BOD1L1: variants seen among roughly 807,000 people sequenced by gnomAD.
The protein encoded by BOD1L1 is biorientation of chromosomes in cell division 1 like 1, also known as biorientation of chromosomes in cell division protein 1-like 1.
BOD1L1 carries 86 observed loss-of-function variants against 240.7 expected under a neutral mutation model. That is an observed-to-expected ratio of 0.36 (90% CI 0.30 to 0.43). The LOEUF is 0.43. BOD1L1 is among the 20% of genes least tolerant of loss of function. BOD1L1 has a pLI of 1.00. For missense variants in BOD1L1, 3,554 were observed against 3,643.5 expected (o/e 0.98, Z 0.63); for synonymous variants, 1,268 against 1,272.3 (o/e 1.00, Z 0.07).
In BOD1L1 at chr4:13,627,697, A is replaced by G; in HGVS notation, c.-110T>C. On this transcript the variant is annotated 5_prime_UTR_variant, in exon 1 of 26. Transcript: ENST00000040738. ...GAAGCCAACGGGATGTTGTTACGGA[A>G]CCAGCGGATCCAGAGCAACCCCGGA... is the stretch of plus-strand genomic sequence containing the variant. The G allele has an allele frequency of 1.1e-6, 1 of 951,626 alleles. No homozygotes were observed. The highest frequency in any genetic ancestry group is 1.3e-6 in the Non-Finnish European group (1 of 794,280). 58.9% of individuals were successfully genotyped at this position (951,626 alleles called of 1,614,324 possible). A position where few individuals can be genotyped will look rare whatever the true frequency, so the allele number is the denominator to read the frequency against.
chr4:13,584,903 TTAAGA>T (rs1160106918), intron 17 of BOD1L1, among the ~76,000 whole-genome samples: 2 of 152,144 alleles, frequency 1.3e-5, no homozygotes, highest in South Asian at 4.1e-4. Flanking sequence ...ATTACTAATA[TTAAGA>T]TGATATTAAA....
At chr4:13,578,512 G>A (rs1014841556) in intron 22 of BOD1L1, among the ~76,000 whole-genome samples, 20 of 152,174 alleles carry the variant, frequency 1.3e-4, no homozygotes, top group Non-Finnish European at 2.6e-4. Context: ...CACTTCTGGT[G>A]TCCTAGGCAT....
In BOD1L1 at chr4:13,600,348, C is replaced by A. The variant is rs774031000; in HGVS notation, c.6552G>T (p.Leu2184Phe). The A allele has an allele frequency of 1.2e-6, 2 of 1,614,006 alleles. No homozygotes were observed. Among genetic ancestry groups the A allele is most frequent in the Non-Finnish European group, 1.7e-6 (2 of 1,179,896 alleles). The change falls in exon 10 of 26, where the codon TTG becomes TTT. Residue 2184 changes from leucine to phenylalanine, a missense_variant. Physicochemically the swap from Leu to Phe is conservative, Grantham distance 22. Coordinates refer to ENST00000040738, the MANE Select transcript of BOD1L1 (RefSeq NM_148894.3). ...AVEERATGPV[L>F]ISTADFEGPM... ...GCCCCTCAAAGTCGGCGGTGCTTAT[C>A]AAGACTGGACCTGTAGCCCTTTCTT...
At chr4:13,621,856 A>G (rs148387452) in intron 1 of BOD1L1, among the ~76,000 whole-genome samples, 1 of 139,364 alleles carries the variant, frequency 7.2e-6, no homozygotes, top group Admixed American at 8.2e-5. Flanking sequence ...GATATGAACT[A>G]AAATTAATTC....
At position 13,600,375 on chromosome 4, in the gene BOD1L1, C is replaced by T. The variant is rs754029236; in HGVS notation, c.6525G>A (p.Val2175=). ...AESLQPVAAA[V]EERATGPVLI... is the part of the protein sequence containing the mutation. Reference sequence around the variant, plus strand: ...AGACTGGACCTGTAGCCCTTTCTTCCACTGCTGCAGCAACCGGCTGAAGAC... The same window carrying T: ...AGACTGGACCTGTAGCCCTTTCTTCTACTGCTGCAGCAACCGGCTGAAGAC... Residue 2175 remains valine, a synonymous_variant, in exon 10 of 26, where the codon GTG becomes GTA. Coordinates refer to ENST00000040738, the MANE Select transcript of BOD1L1 (RefSeq NM_148894.3). 24 of 1,613,896 alleles carry T rather than the reference C, an allele frequency of 1.5e-5. No homozygotes were observed. The highest frequency in any genetic ancestry group is 2.7e-5 in the African/African-American group (2 of 74,924).
chr4:13,608,654 C>A lies in BOD1L1; in HGVS notation c.1618G>T (p.Asp540Tyr). Residue 540 changes from aspartate to tyrosine, a missense_variant, in exon 8 of 26, where the codon GAC (aspartate) becomes TAC (tyrosine). Asp to Tyr is a radical substitution (Grantham distance 160). Transcript: ENST00000040738. ...CTCTTTGTTGATGATTCTTCTAAGT[C>A]CACACTACTCCTGCCTAGAAAAGAA... The part of the protein sequence containing the change: ...KTKGQGRSSV[D>Y]LEESSTKSLE... 6.6e-7 allele frequency: 1 copy of A among 1,505,530 alleles called. No individual in the cohort carries two copies. The allele number at this position is 1,505,530 out of a possible 1,614,324, so 93.3% of individuals were successfully genotyped here. A position where few individuals can be genotyped will look rare whatever the true frequency, so the allele number is the denominator to read the frequency against.
intron 14 of BOD1L1, among the ~76,000 whole-genome samples, chr4:13,589,023 G>A (rs1396192024): frequency 2.0e-5 from 3 of 152,150 alleles, no homozygotes; most frequent in Admixed American, 6.6e-5. Context: ...AGGGAATGGG[G>A]TTCAAGAAGG....
chr4:13,597,771 G>A (rs763500427), intron 10 of BOD1L1, among the ~76,000 whole-genome samples: 3 of 152,156 alleles, frequency 2.0e-5, no homozygotes, highest in Non-Finnish European at 2.9e-5. Flanking sequence ...CAATGATTGA[G>A]TCATAAAAAC....
intron 14 of BOD1L1, among the ~76,000 whole-genome samples, chr4:13,589,712 A>G (rs966806482): frequency 3.3e-5 from 5 of 152,196 alleles, no homozygotes; most frequent in Non-Finnish European, 1.5e-5. Flanking sequence ...ATTTTTTAAA[A>G]GGTATGTGAA....
intron 7 of BOD1L1, among the ~76,000 whole-genome samples, chr4:13,608,928 C>T (rs1409146218): frequency 1.3e-5 from 2 of 152,018 alleles, no homozygotes; most frequent in African/African-American, 4.8e-5. Flanking sequence ...TTGTTCAACA[C>T]AATATTACAG....
rs141493149 is a variant in BOD1L1, at chr4:13,611,288, A to G, written c.1325-188T>C. On this transcript the variant is annotated intron_variant, in intron 5 of 25. Coordinates refer to ENST00000040738, the MANE Select transcript of BOD1L1 (RefSeq NM_148894.3). Reference sequence around the variant, plus strand: ...TTTATTTCTTATCAGCTTCTCACACATAAATAAGACAAAGAAAAATTAGAC... The same window carrying G: ...TTTATTTCTTATCAGCTTCTCACACGTAAATAAGACAAAGAAAAATTAGAC... Among the ~76,000 whole-genome samples the G allele has an allele frequency of 2.6e-4, 40 of 152,358 alleles. No homozygotes were observed. In the East Asian group the frequency reaches 7.5e-3, roughly 29 times the overall value.
intron 22 of BOD1L1, among the ~76,000 whole-genome samples, chr4:13,579,175 CCA>C (rs1162462590): frequency 2.0e-5 from 3 of 152,018 alleles, no homozygotes; most frequent in Non-Finnish European, 4.4e-5. Context: ...ATCATTTTAC[CCA>C]CATTCAGAAA....
chr4:13,597,290 T>C, intron 10 of BOD1L1, 122 bp from the exon 11 acceptor site: 1 of 689,312 alleles, frequency 1.5e-6, no homozygotes, highest in Non-Finnish European at 2.5e-6. Context: ...CTGGTTTATT[T>C]TGCTGTCAGT....
rs758903038 is a variant in BOD1L1 at position 13,597,117 on chromosome 4, T to C, written c.8006A>G (p.Asn2669Ser). The change falls in exon 11 of 26, where the codon AAC (asparagine) becomes AGC (serine). Residue 2669 changes from asparagine (N) to serine (S), a missense_variant. Asn to Ser is a conservative substitution (Grantham distance 46). This residue lies in a region of BOD1L1 where 3,393 missense variants were observed against 3,427.1 expected (regional missense o/e 0.99). Transcript: ENST00000040738. ...TATAAGCCATACCTCCATTTTCAAG[T>C]TGGCTTTCAGTTTCAATCCTCCCAA... ...NVLGGLKLKANLKMEAYVPSE... is the reference protein window; with the variant it reads ...NVLGGLKLKASLKMEAYVPSE... The C allele has an allele frequency of 3.1e-6, 5 of 1,592,296 alleles. No homozygotes were observed. Among genetic ancestry groups the C allele is most frequent in the Non-Finnish European group, 4.3e-6 (5 of 1,168,012 alleles).
chr4:13,621,499 T>C (rs1379675471), intron 1 of BOD1L1, among the ~76,000 whole-genome samples: 2 of 152,226 alleles, frequency 1.3e-5, no homozygotes, highest in African/African-American at 4.8e-5. Flanking sequence ...GGTAGGCTTA[T>C]GGGCTCTTCA....
intron 5 of BOD1L1, among the ~76,000 whole-genome samples, chr4:13,612,419 C>T (rs1319490336): frequency 1.3e-5 from 2 of 152,102 alleles, no homozygotes; most frequent in Non-Finnish European, 2.9e-5. Flanking sequence ...AGCACAGACT[C>T]GGGTTTGAAA....
At chr4:13,576,687 A>T in intron 25 of BOD1L1, 151 bp downstream of exon 25, 1 of 995,388 alleles carries the variant, frequency 1.0e-6, no homozygotes, top group Admixed American at 3.0e-5. Context: ...TCCAAGAACT[A>T]TGTGCCCACT....
intron 1 of BOD1L1, among the ~76,000 whole-genome samples, chr4:13,620,423 C>G (rs1716959614): frequency 6.6e-6 from 1 of 152,086 alleles, no homozygotes; most frequent in African/African-American, 2.4e-5. Flanking sequence ...CACAAGGAAG[C>G]TGGGAATGAG....
intron 25 of BOD1L1, 48 bp downstream of exon 25, chr4:13,576,790 T>A (rs1431438895): frequency 6.4e-7 from 1 of 1,566,670 alleles, no homozygotes; most frequent in Non-Finnish European, 8.6e-7. Flanking sequence ...AATTTTCAGA[T>A]GGAGAAGCTG....
Sources: allele counts gnomAD v4.1 joint callset (sites outside exome capture counted in the v4.1 genomes callset), GRCh38; gene constraint gnomAD v4.1.1; regional missense constraint gnomAD v4.1.1; transcripts MANE v1.5; gene names NCBI Gene and HGNC (gene_info 2026-07-23, HGNC 2026-07-21).